The following DCLK2 variants were observed in gnomAD, a reference collection of about 807,000 sequenced individuals.
The protein encoded by DCLK2 is doublecortin like kinase 2, also known as serine/threonine-protein kinase DCLK2.
Under a neutral mutation model 78.4 loss-of-function variants are expected in DCLK2, and 31 were observed. That is an observed-to-expected ratio of 0.40 (90% confidence interval 0.30 to 0.53). DCLK2 has a LOEUF of 0.53. Ranked by LOEUF, DCLK2 falls within the 20% of genes least tolerant of loss-of-function variation. DCLK2 has a pLI of 0.61. For missense variants in DCLK2, 872 were observed against 973.7 expected (o/e 0.90, Z 1.39); for synonymous variants, 407 against 374.9 (o/e 1.09, Z -0.99).
At chr4:150,247,242 A>G (rs1460637081) in intron 12 of DCLK2, among the ~76,000 whole-genome samples, 1 of 152,094 alleles carries the variant, frequency 6.6e-6, no homozygotes, top group Non-Finnish European at 1.5e-5. Flanking sequence ...GATCATTCTC[A>G]CCATTTTTAA....
chr4:150,119,671 A>G (rs1405101820), intron 2 of DCLK2, among the ~76,000 whole-genome samples: 1 of 152,216 alleles, frequency 6.6e-6, no homozygotes, highest in Non-Finnish European at 1.5e-5. Context: ...GAAAAGAGAA[A>G]AAGCTAGTTG....
In DCLK2 at chr4:150,113,938, G is replaced by A. The variant is rs147527848; in HGVS notation, c.756+11126G>A. On this transcript the variant is annotated intron_variant, in intron 2 of 15. Coordinates refer to ENST00000296550, the MANE Select transcript of DCLK2 (RefSeq NM_001040260.4). The stretch of plus-strand genomic sequence containing the variant: ...TTGCTGTATCCCAGAGATTTTGACA[G>A]CTTGTGTCACTATTACTCATTTCAA... Among the ~76,000 whole-genome samples the A allele has an allele frequency of 2.7e-4, 41 of 152,064 alleles. No individual in the cohort carries two copies. In the East Asian group the frequency reaches 7.7e-3, roughly 29 times the overall value.
At chr4:150,157,489 T>TTTTG (rs140147570) in intron 2 of DCLK2, among the ~76,000 whole-genome samples, 14,841 of 98,830 alleles carry the variant, frequency 0.15, 1,340 homozygotes, top group South Asian at 0.45. Context: ...GAGATGGTTT[T>TTTTG]TTTGTTTGTT....
At chr4:150,233,342 T>C (rs1466440997) in intron 10 of DCLK2, among the ~76,000 whole-genome samples, 2 of 152,194 alleles carry the variant, frequency 1.3e-5, no homozygotes, top group Non-Finnish European at 2.9e-5. Context: ...ACATTGGGAA[T>C]TACAGTTCAA....
Position 150,123,800 on chromosome 4 carries a change from G to A in DCLK2, c.756+20988G>A, listed in dbSNP as rs566675970. Among the ~76,000 whole-genome samples the A allele has an allele frequency of 5.9e-5, 9 of 152,238 alleles. No individual in the cohort carries two copies. The South Asian group carries it at 1.7e-3, about 28-fold the overall frequency. On this transcript the variant is annotated intron_variant, in intron 2 of 15. Transcript: ENST00000296550. Reference sequence around the variant, plus strand: ...CTCATGCCTGTAATCCCAGCACTTCGGGAGGCCAGGGCGGGAAGAGTGCTT... The same window carrying A: ...CTCATGCCTGTAATCCCAGCACTTCAGGAGGCCAGGGCGGGAAGAGTGCTT...
In DCLK2 at chr4:150,256,438, T is replaced by C; in HGVS notation, c.*191T>C. On this transcript the variant is annotated 3_prime_UTR_variant, in exon 16 of 16. Transcript: ENST00000296550. ...TGGCCTGGTGCTCTGGGCTCTGCCT[T>C]CTGGTTCCTGGAGGCATCAAAGGCT... 1.4e-6 allele frequency: 1 copy of C among 722,180 alleles called. No homozygotes were observed. Among genetic ancestry groups the C allele is most frequent in the Non-Finnish European group, 2.2e-6 (1 of 464,882 alleles). 44.7% of individuals were successfully genotyped at this position (722,180 alleles called of 1,614,324 possible).
rs553258395 is a variant in DCLK2, at chr4:150,078,824, G to T, written c.-204G>T. ...CACTGGACAATGACCTGGGCAGCTCGGCGCTGCGGACACTTTTAGCTGAGG... is the reference window on the plus strand; with the variant it reads ...CACTGGACAATGACCTGGGCAGCTCTGCGCTGCGGACACTTTTAGCTGAGG... On this transcript the variant is annotated 5_prime_UTR_variant, in exon 1 of 16. Coordinates refer to ENST00000296550, the MANE Select transcript of DCLK2 (RefSeq NM_001040260.4). 1.8e-6 allele frequency: 1 copy of T among 562,436 alleles called. No individual in the cohort carries two copies. The highest frequency in any genetic ancestry group is 2.9e-6 in the Non-Finnish European group (1 of 347,560). The allele number at this position is 562,436 out of a possible 1,614,324, so 34.8% of individuals were successfully genotyped here. A position where few individuals can be genotyped will look rare whatever the true frequency, so the allele number is the denominator to read the frequency against.
In DCLK2 at chr4:150,083,528, A is replaced by G. The variant is rs554780763; in HGVS notation, c.421+4080A>G. Among the ~76,000 whole-genome samples the G allele has an allele frequency of 8.5e-5, 13 of 152,380 alleles. No homozygotes were observed. In the South Asian group the frequency reaches 2.7e-3, roughly 32 times the overall value. On this transcript the variant is annotated intron_variant, in intron 1 of 15. Coordinates refer to ENST00000296550, the MANE Select transcript of DCLK2 (RefSeq NM_001040260.4). ...TAGGTCAGTTCTTTGAAAGTGTTAA[A>G]TAAACCAAAATACGTTTCTGAGAAT...
intron 2 of DCLK2, among the ~76,000 whole-genome samples, chr4:150,184,025 C>A (rs60887847): frequency 6.6e-6 from 1 of 152,116 alleles, no homozygotes; most frequent in Non-Finnish European, 1.5e-5. Flanking sequence ...TGAGCCACCA[C>A]ACCCAGCCTC....
chr4:150,084,232 A>T (rs58498378), intron 1 of DCLK2, among the ~76,000 whole-genome samples: 2,470 of 152,338 alleles, frequency 0.016, 59 homozygotes, highest in African/African-American at 0.053. Context: ...AGGGATCTTA[A>T]ATACAGTAAA....
At chr4:150,204,036 C>T (rs1456573599) in intron 5 of DCLK2, 147 bp downstream of exon 5, 11 of 665,724 alleles carry the variant, frequency 1.7e-5, no homozygotes, top group Non-Finnish European at 1.5e-5. Context: ...ACTTCGAATC[C>T]TGTGTACTGC....
At chr4:150,146,171 A>G (rs1000208319) in intron 2 of DCLK2, among the ~76,000 whole-genome samples, 4 of 152,298 alleles carry the variant, frequency 2.6e-5, no homozygotes, top group Middle Eastern at 3.4e-3. Context: ...TTACTATGAC[A>G]AGATCTGCAG....
intron 5 of DCLK2, among the ~76,000 whole-genome samples, chr4:150,216,000 C>T (rs1740689579): frequency 6.6e-6 from 1 of 152,204 alleles, no homozygotes; most frequent in South Asian, 2.1e-4. Context: ...TGGATGAAAA[C>T]CAGTATAGCA....
chr4:150,253,447 T>C, intron 15 of DCLK2: 1 of 1,289,638 alleles, frequency 7.8e-7, no homozygotes, highest in Non-Finnish European at 1.0e-6. Context: ...GTAAAGTTGA[T>C]GGTGTTATCT....
At chr4:150,168,975 C>T (rs1269630099) in intron 2 of DCLK2, among the ~76,000 whole-genome samples, 1 of 152,152 alleles carries the variant, frequency 6.6e-6, no homozygotes, top group Non-Finnish European at 1.5e-5. Flanking sequence ...CATCCTAGGG[C>T]TCAGTAAGAG....
chr4:150,203,456 A>G (rs1052382973), intron 4 of DCLK2, among the ~76,000 whole-genome samples: 2 of 152,212 alleles, frequency 1.3e-5, no homozygotes, highest in Non-Finnish European at 2.9e-5. Context: ...GTAAACCATT[A>G]CAAATATAAC....
chr4:150,148,225 G>T (rs184848414), intron 2 of DCLK2, among the ~76,000 whole-genome samples: 1 of 152,076 alleles, frequency 6.6e-6, no homozygotes, highest in African/African-American at 2.4e-5. Context: ...TTAGCTGGAC[G>T]TTGTGGCATG....
intron 3 of DCLK2, among the ~76,000 whole-genome samples, 153 bp from the exon 4 acceptor site, chr4:150,197,849 G>A (rs1374864285): frequency 6.6e-6 from 1 of 151,948 alleles, no homozygotes; most frequent in African/African-American, 2.4e-5. Flanking sequence ...AAACTCAGGT[G>A]TACTTTTGGG....
intron 12 of DCLK2, among the ~76,000 whole-genome samples, chr4:150,243,515 G>A (rs961070883): frequency 2.6e-5 from 4 of 152,288 alleles, no homozygotes; most frequent in Non-Finnish European, 4.4e-5. Context: ...GTATAAAGTA[G>A]ATTGTCTACA....
Sources: gnomAD v4.1 joint callset for allele counts (sites outside exome capture counted in the v4.1 genomes callset) on GRCh38, gnomAD v4.1.1 for gene constraint, MANE v1.5 for transcripts, NCBI Gene and HGNC (gene_info 2026-07-23, HGNC 2026-07-21) for gene names.